RPS6KC1: variants seen among roughly 807,000 people sequenced by gnomAD.
RPS6KC1 encodes ribosomal protein S6 kinase C1.
RPS6KC1 carries 54 observed loss-of-function variants against 103.8 expected under a neutral mutation model. The observed-to-expected ratio is 0.52, with a 90% confidence interval of 0.42 to 0.65. The LOEUF (loss-of-function observed/expected upper bound fraction) is 0.65. Ranked by LOEUF, RPS6KC1 falls within the 30% of genes least tolerant of loss-of-function variation. The pLI is 0.00. For missense variants in RPS6KC1, 1,151 were observed against 1,253.8 expected (o/e 0.92, Z 1.24); for synonymous variants, 439 against 438.7 (o/e 1.00, Z -0.01).
At chr1:213,774,635 A>G in the RPS6KC1 span, among the ~76,000 whole-genome samples, 1 of 152,342 alleles carries the variant, frequency 6.6e-6, no homozygotes, top group South Asian at 2.1e-4. Flanking sequence ...GGCAGGCATT[A>G]AAAAGACATG....
At chr1:213,383,962 A>G in the RPS6KC1 span, among the ~76,000 whole-genome samples, 1 of 152,202 alleles carries the variant, frequency 6.6e-6, no homozygotes, top group African/African-American at 2.4e-5. Flanking sequence ...AAGCTGAGAC[A>G]GGGGAATTAA....
At chr1:213,723,604 G>T in the RPS6KC1 span, among the ~76,000 whole-genome samples, 1 of 152,180 alleles carries the variant, frequency 6.6e-6, no homozygotes, top group Non-Finnish European at 1.5e-5. Flanking sequence ...TCTAAGTATA[G>T]TCAGATTCTG....
At chr1:213,328,184 G>A in the RPS6KC1 span, among the ~76,000 whole-genome samples, 23 of 152,236 alleles carry the variant, frequency 1.5e-4, no homozygotes, top group East Asian at 4.2e-3. Context: ...CAATAGGCAT[G>A]CAATACATTT....
At chr1:213,104,617 TA>T (rs1202541144) in intron 4 of RPS6KC1, 48 bp downstream of exon 4, 2 of 1,052,746 alleles carry the variant, frequency 1.9e-6, no homozygotes, top group Non-Finnish European at 2.8e-6. Flanking sequence ...AATACTTTTG[TA>T]ATTTGTAGTA....
the RPS6KC1 span, among the ~76,000 whole-genome samples, chr1:213,342,962 A>G: frequency 2.2e-4 from 34 of 152,236 alleles, no homozygotes; most frequent in South Asian, 7.1e-3. Flanking sequence ...AGCCTGGGCA[A>G]CATAGCGAAA....
At chr1:213,722,444 G>A in the RPS6KC1 span, among the ~76,000 whole-genome samples, 1 of 152,128 alleles carries the variant, frequency 6.6e-6, no homozygotes, top group Admixed American at 6.5e-5. Context: ...AGGAGGCTCT[G>A]TCCCTGGCCT....
the RPS6KC1 span, among the ~76,000 whole-genome samples, chr1:213,594,016 C>G: frequency 1.3e-5 from 2 of 152,102 alleles, no homozygotes; most frequent in South Asian, 4.2e-4. Context: ...CAGGCGTGCA[C>G]CACCACTCCA....
At chr1:213,550,478 A>C in the RPS6KC1 span, among the ~76,000 whole-genome samples, 1 of 152,176 alleles carries the variant, frequency 6.6e-6, no homozygotes, top group South Asian at 2.1e-4. Context: ...TCCCCAGTGC[A>C]TCTCGAGACT....
the RPS6KC1 span, among the ~76,000 whole-genome samples, chr1:213,360,060 T>A: frequency 6.6e-6 from 1 of 152,222 alleles, no homozygotes; most frequent in East Asian, 1.9e-4. Context: ...TCGAGGAGTA[T>A]CTTTGTGGCG....
intron 5 of RPS6KC1, among the ~76,000 whole-genome samples, chr1:213,126,932 A>G (rs962861375): frequency 5.3e-5 from 8 of 152,186 alleles, no homozygotes; most frequent in African/African-American, 1.9e-4. Flanking sequence ...CTAGAATTGT[A>G]TAGTCTAATC....
chr1:213,101,466 A>G (rs2082012854), intron 3 of RPS6KC1, among the ~76,000 whole-genome samples: 1 of 152,216 alleles, frequency 6.6e-6, no homozygotes. Flanking sequence ...GAATAGAAAC[A>G]ATAAATCAAT....
chr1:213,603,232 C>G, the RPS6KC1 span, among the ~76,000 whole-genome samples: 1 of 152,240 alleles, frequency 6.6e-6, no homozygotes, highest in Admixed American at 6.5e-5. Context: ...GCTGCTGGCC[C>G]CAGACCCTGT....
rs561872651 is a variant in RPS6KC1, at chr1:213,092,677, A to G, written c.263-11777A>G. On this transcript the variant is annotated intron_variant, in intron 3 of 14. Coordinates refer to ENST00000366960, the MANE Select transcript of RPS6KC1 (RefSeq NM_012424.6). ...ACAGAGCAAGACTCCATCTCAAAAA[A>G]AAAAAAAAAGAAATACACTTGTATG... 5.3e-5 allele frequency among the ~76,000 whole-genome samples: 8 copies of G among 150,452 alleles called. No individual in the cohort carries two copies. In the South Asian group the frequency reaches 1.7e-3, roughly 31 times the overall value.
chr1:213,562,643 C>T, the RPS6KC1 span, among the ~76,000 whole-genome samples: 1 of 151,946 alleles, frequency 6.6e-6, no homozygotes, highest in East Asian at 1.9e-4. Context: ...GCAGGGATTA[C>T]AGGTGTCAGC....
chr1:213,501,367 C>G, the RPS6KC1 span, among the ~76,000 whole-genome samples: 1 of 152,138 alleles, frequency 6.6e-6, no homozygotes, highest in Non-Finnish European at 1.5e-5. Flanking sequence ...ATTTCATAAA[C>G]AAACTCCCAG....
Position 213,129,744 on chromosome 1 carries a change from A to ACTTGCC in RPS6KC1, c.690_691insCTTGCC (p.Leu230_Lys231insLeuAla). 1 of 1,614,120 alleles carries ACTTGCC rather than the reference A, an allele frequency of 6.2e-7. No individual in the cohort carries two copies. The highest frequency in any genetic ancestry group is 1.1e-5 in the South Asian group (1 of 91,084). On this transcript the variant is annotated inframe_insertion, in exon 6 of 15. Coordinates refer to ENST00000366960, the MANE Select transcript of RPS6KC1 (RefSeq NM_012424.6). The stretch of plus-strand genomic sequence containing the variant: ...GTCGTAGCCTCTTTCCTGGCAGTTT[A>ACTTGCC]AAGCCGAAGCTTGGCAAGAGAGATT...
At chr1:213,816,268 G>A in the RPS6KC1 span, among the ~76,000 whole-genome samples, 1 of 152,166 alleles carries the variant, frequency 6.6e-6, no homozygotes, top group Non-Finnish European at 1.5e-5. Context: ...GGAAAAAGAT[G>A]GCATCAATAG....
At chr1:213,131,425 T>G (rs2085598415) in intron 6 of RPS6KC1, among the ~76,000 whole-genome samples, 1 of 144,220 alleles carries the variant, frequency 6.9e-6, no homozygotes, top group African/African-American at 2.7e-5. Flanking sequence ...TAATTTTATT[T>G]TTCAAATGGT....
At chr1:213,268,897 G>A (rs527271355) in intron 14 of RPS6KC1, among the ~76,000 whole-genome samples, 1 of 151,440 alleles carries the variant, frequency 6.6e-6, no homozygotes, top group South Asian at 2.1e-4. Flanking sequence ...AACTAAAATG[G>A]TACAGCAAAA....
Sources: gnomAD v4.1 joint callset for allele counts (sites outside exome capture counted in the v4.1 genomes callset) on GRCh38, gnomAD v4.1.1 for gene constraint, MANE v1.5 for transcripts, NCBI Gene and HGNC (gene_info 2026-07-23, HGNC 2026-07-21) for gene names.